Variants in WNK2 observed in about 807,000 individuals in gnomAD.
WNK2 encodes the protein serine/threonine-protein kinase WNK2.
WNK2 carries 67 observed loss-of-function variants against 192.1 expected under a neutral mutation model. The observed-to-expected ratio is 0.35, with a 90% CI of 0.29 to 0.43. The LOEUF (loss-of-function observed/expected upper bound fraction) is 0.43, where lower values mean the gene tolerates loss of function less well. WNK2 is among the 20% of genes least tolerant of loss of function. The probability of loss-of-function intolerance (pLI) is 1.00; values close to 1 mark genes in which losing one functional copy is unlikely to be tolerated. For missense variants in WNK2, 2,698 were observed against 3,089.7 expected (o/e 0.87, Z 3.01); for synonymous variants, 1,439 against 1,393.9 (o/e 1.03, Z -0.72).
chr9:93,245,423 T>C (rs932947241), intron 7 of WNK2, among the ~76,000 whole-genome samples: 2 of 152,196 alleles, frequency 1.3e-5, no homozygotes, highest in African/African-American at 4.8e-5. Flanking sequence ...CGGGACGGGC[T>C]CAGGTGGCCC....
intron 2 of WNK2, among the ~76,000 whole-genome samples, chr9:93,195,614 G>A (rs1161337089): frequency 3.6e-5 from 5 of 139,164 alleles, no homozygotes; most frequent in Admixed American, 1.7e-4. Flanking sequence ...CATTAGAATC[G>A]CTTGAACCCA....
chr9:93,186,219 G>A (rs550365678), intron 2 of WNK2, among the ~76,000 whole-genome samples: 1 of 152,336 alleles, frequency 6.6e-6, no homozygotes, highest in South Asian at 2.1e-4. Context: ...AGTGTGGTTA[G>A]TCGCCTCTGC....
chr9:93,196,481 G>T (rs1831306907), intron 2 of WNK2, among the ~76,000 whole-genome samples: 1 of 152,110 alleles, frequency 6.6e-6, no homozygotes, highest in African/African-American at 2.4e-5. Context: ...CCCTAGTCTT[G>T]CTTGGCCTCA....
At chr9:93,256,767 T>C (rs1843367961) in intron 10 of WNK2, 181 bp from the exon 11 acceptor site, 1 of 695,840 alleles carries the variant, frequency 1.4e-6, no homozygotes. Context: ...AGTTTGGTGA[T>C]CTGTGTGTCT....
intron 2 of WNK2, among the ~76,000 whole-genome samples, chr9:93,203,941 G>T (rs533753121): frequency 6.6e-6 from 1 of 152,122 alleles, no homozygotes; most frequent in African/African-American, 2.4e-5. Context: ...GGGATGTCCC[G>T]AGGGCTTCCT....
chr9:93,224,271 C>G (rs917625046), intron 2 of WNK2, among the ~76,000 whole-genome samples: 1 of 152,180 alleles, frequency 6.6e-6, no homozygotes, highest in African/African-American at 2.4e-5. Flanking sequence ...AGGAAGATGC[C>G]ACGGAATCCC....
intron 2 of WNK2, among the ~76,000 whole-genome samples, chr9:93,202,282 G>A (rs1317939): frequency 0.55 from 83,316 of 151,672 alleles, 23,944 homozygotes; most frequent in Non-Finnish European, 0.63. Flanking sequence ...TGCGTGTGGG[G>A]ACCTGGTATG....
At chr9:93,300,498 T>TA (rs1260783717) in intron 26 of WNK2, among the ~76,000 whole-genome samples, 4 of 152,216 alleles carry the variant, frequency 2.6e-5, no homozygotes, top group African/African-American at 9.7e-5. Context: ...TTTTTTTTTT[T>TA]ATGTTGGATG....
chr9:93,292,698 G>A lies in WNK2; in HGVS notation c.5233G>A (p.Val1745Met). 9 of 1,569,918 alleles carry A rather than the reference G, an allele frequency of 5.7e-6. No homozygotes were observed. Among genetic ancestry groups the A allele is most frequent in the Non-Finnish European group, 7.8e-6 (9 of 1,158,740 alleles). Residue 1745 changes from valine (V) to methionine (M), a missense_variant, in exon 23 of 30, where the codon GTG becomes ATG. By Grantham distance (21) the Val-to-Met change is conservative. This residue lies in a region of WNK2 where 1,098 missense variants were observed against 1,101.0 expected (regional missense o/e 1.00). Coordinates refer to ENST00000427277, the MANE Select transcript of WNK2 (RefSeq NM_006648.4). Reference protein sequence around the residue: ...QQDVSSPAKTVGRFSVVSTQD... With the variant: ...QQDVSSPAKTMGRFSVVSTQD... ...GGATGTCAGCTCACCAGCCAAGACT[G>A]TGGGCCGTTTCTCGGTGGTCAGCAC...
chr9:93,230,922 G>T lies in WNK2; in HGVS notation c.889G>T (p.Val297Phe), dbSNP rs1234646716. The change falls in exon 4 of 30, where the codon GTT (valine) becomes TTT (phenylalanine). Residue 297 changes from valine to phenylalanine, a missense_variant. Physicochemically the swap from Val to Phe is conservative, Grantham distance 50. Transcript: ENST00000427277. ...GCGGTTCAAGGTGATGAAGCCCAAG[G>T]TTCTCCGCAGCTGGTGCCGGCAGAT... ...LKRFKVMKPK[V>F]LRSWCRQILK... The T allele has an allele frequency of 1.2e-6, 2 of 1,613,756 alleles. No homozygotes were observed. The highest frequency in any genetic ancestry group is 1.7e-6 in the Non-Finnish European group (2 of 1,179,882).
At chr9:93,304,077 A>T (rs1852071279) in intron 26 of WNK2, among the ~76,000 whole-genome samples, 1 of 152,140 alleles carries the variant, frequency 6.6e-6, no homozygotes, top group Non-Finnish European at 1.5e-5. Context: ...TGAAAAGCGA[A>T]TGTGGGGATT....
rs151006917 is a variant in WNK2, at chr9:93,292,383, C to T, written c.5012C>T (p.Pro1671Leu). The T allele has an allele frequency of 2.0e-5, 32 of 1,613,938 alleles. No individual in the cohort carries two copies. The African/African-American group carries it at 4.1e-4, about 21-fold the overall frequency. ...RQVASDSHVV[P>L]SVPQDVPAFV... is the part of the protein sequence containing the mutation. ...GTGGCCTCAGACTCCCATGTGGTCC[C>T]CAGCGTCCCCCAGGTAAGGGCGACT... The change falls in exon 22 of 30, where the codon CCC becomes CTC. Residue 1671 changes from proline to leucine, a missense_variant. Physicochemically the swap from Pro to Leu is moderately conservative, Grantham distance 98 (BLOSUM62 -3). This residue lies in a region of WNK2 where 1,098 missense variants were observed against 1,101.0 expected (regional missense o/e 1.00). Coordinates refer to ENST00000427277, the MANE Select transcript of WNK2 (RefSeq NM_006648.4).
In WNK2 at chr9:93,187,312, C is replaced by T. The variant is rs112404781; in HGVS notation, c.681+1702C>T. Among the ~76,000 whole-genome samples, 490 of 152,252 alleles carry T rather than the reference C, an allele frequency of 3.2e-3. 3 individuals are homozygous for T. The highest frequency in any genetic ancestry group is 0.011 in the African/African-American group (459 of 41,540). On this transcript the variant is annotated intron_variant, in intron 2 of 29. Coordinates refer to ENST00000427277, the MANE Select transcript of WNK2 (RefSeq NM_006648.4). ...GCATGGGGTGGAGCCTGGCCTCTGT[C>T]CAGGGGTCTCTTGCTCCTTGACTCT... is the stretch of plus-strand genomic sequence containing the variant.
intron 5 of WNK2, among the ~76,000 whole-genome samples, chr9:93,237,032 C>T (rs980618395): frequency 2.0e-5 from 3 of 152,102 alleles, no homozygotes; most frequent in Non-Finnish European, 1.5e-5. Context: ...GTGTTGTGGC[C>T]GGGGTGATGG....
At chr9:93,210,594 T>C (rs572595713) in intron 2 of WNK2, among the ~76,000 whole-genome samples, 1 of 152,266 alleles carries the variant, frequency 6.6e-6, no homozygotes, top group South Asian at 2.1e-4. Flanking sequence ...GTCCACCTCC[T>C]GAGCCTGCTG....
chr9:93,197,198 C>T lies in WNK2; in HGVS notation c.681+11588C>T, dbSNP rs921718653. On this transcript the variant is annotated intron_variant, in intron 2 of 29. Coordinates refer to ENST00000427277, the MANE Select transcript of WNK2 (RefSeq NM_006648.4). ...TATATCTGTGTCTGTGATTTCCTGA[C>T]CCATTTGCAGTTCACCCCTGAGTAC... Among the ~76,000 whole-genome samples, 11 of 152,338 alleles carry T rather than the reference C, an allele frequency of 7.2e-5. No individual in the cohort carries two copies. In the East Asian group the frequency reaches 1.9e-3, roughly 27 times the overall value.
chr9:93,207,800 G>A (rs946542007), intron 2 of WNK2, among the ~76,000 whole-genome samples: 7 of 152,344 alleles, frequency 4.6e-5, no homozygotes, highest in Non-Finnish European at 1.0e-4. Context: ...TTAGTTTTGC[G>A]AAGTTCAGTA....
At chr9:93,287,898 T>C (rs1423274328) in intron 19 of WNK2, among the ~76,000 whole-genome samples, 2 of 151,974 alleles carry the variant, frequency 1.3e-5, no homozygotes, top group Non-Finnish European at 1.5e-5. Flanking sequence ...CAGTCTCATA[T>C]GAAAAATACA....
At chr9:93,246,219 C>CGT (rs1841657209) in intron 7 of WNK2, among the ~76,000 whole-genome samples, 1 of 152,190 alleles carries the variant, frequency 6.6e-6, no homozygotes, top group South Asian at 2.1e-4. Context: ...CACTGGCTCC[C>CGT]GTGCCGTTTT....
Sources: gnomAD v4.1 joint callset for allele counts (sites outside exome capture counted in the v4.1 genomes callset) on GRCh38, gnomAD v4.1.1 for gene constraint, gnomAD v4.1.1 regional missense constraint, MANE v1.5 for transcripts, NCBI Gene and HGNC (gene_info 2026-07-23, HGNC 2026-07-21) for gene names.